Variants in TNFRSF19 observed in about 807,000 individuals in gnomAD.
TNFRSF19 encodes tumor necrosis factor receptor superfamily member 19.
In TNFRSF19, 27 loss-of-function variants were observed where a neutral mutation model predicts 46.4. The ratio of observed to expected loss-of-function variants is 0.58; its 90% CI spans 0.43 to 0.80. The LOEUF (loss-of-function observed/expected upper bound fraction) is 0.80. Ranked by LOEUF, TNFRSF19 falls within the 30% of genes least tolerant of loss-of-function variation. TNFRSF19 has a pLI of 0.00. For missense variants in TNFRSF19, 511 were observed against 530.8 expected (o/e 0.96, Z 0.37); for synonymous variants, 204 against 205.0 (o/e 1.00, Z 0.04).
intron 4 of TNFRSF19, among the ~76,000 whole-genome samples, chr13:23,623,673 A>G (rs1881818927): frequency 6.6e-6 from 1 of 152,138 alleles, no homozygotes; most frequent in East Asian, 1.9e-4. Context: ...GTGTGAGGTG[A>G]TATCTCATGT....
At chr13:23,607,663 A>C (rs183915490) in intron 3 of TNFRSF19, among the ~76,000 whole-genome samples, 245 of 152,208 alleles carry the variant, frequency 1.6e-3, no homozygotes, top group African/African-American at 5.7e-3. Flanking sequence ...TAAAAAGTAC[A>C]TTTTTTAGTA....
At chr13:23,607,118 T>C (rs1880562829) in intron 3 of TNFRSF19, among the ~76,000 whole-genome samples, 1 of 152,096 alleles carries the variant, frequency 6.6e-6, no homozygotes, top group Non-Finnish European at 1.5e-5. Flanking sequence ...TAAATAATCT[T>C]TTTTAAAGCT....
At chr13:23,617,920 G>A (rs1352394659) in intron 4 of TNFRSF19, among the ~76,000 whole-genome samples, 1 of 152,086 alleles carries the variant, frequency 6.6e-6, no homozygotes, top group Non-Finnish European at 1.5e-5. Context: ...TAACTGGATC[G>A]ACCACAAGAT....
intron 3 of TNFRSF19, among the ~76,000 whole-genome samples, chr13:23,607,255 G>A (rs1880571384): frequency 1.3e-5 from 2 of 152,094 alleles, no homozygotes. Context: ...CCAACATGGT[G>A]AAACCCCATC....
chr13:23,647,219 G>T (rs1883383591), intron 5 of TNFRSF19, among the ~76,000 whole-genome samples: 2 of 152,034 alleles, frequency 1.3e-5, no homozygotes, highest in Admixed American at 6.6e-5. Context: ...ATTTTCTTCT[G>T]CTCTGTGGGC....
intron 3 of TNFRSF19, among the ~76,000 whole-genome samples, chr13:23,610,838 A>G (rs6490811): frequency 0.25 from 38,408 of 151,622 alleles, 5,473 homozygotes; most frequent in African/African-American, 0.38. Context: ...TATTTTATCT[A>G]TGCATATATT....
chr13:23,620,463 C>A (rs1055309783), intron 4 of TNFRSF19, among the ~76,000 whole-genome samples: 2 of 152,290 alleles, frequency 1.3e-5, no homozygotes, highest in African/African-American at 4.8e-5. Context: ...CAATTTGAGT[C>A]ATTCGAGAGA....
chr13:23,597,531 C>A (rs1210333539), intron 3 of TNFRSF19, among the ~76,000 whole-genome samples: 1 of 152,156 alleles, frequency 6.6e-6, no homozygotes, highest in Admixed American at 6.5e-5. Context: ...CATACACCCT[C>A]CCTAGACTAA....
At chr13:23,586,925 G>A (rs1266050433) in intron 1 of TNFRSF19, among the ~76,000 whole-genome samples, 1 of 152,054 alleles carries the variant, frequency 6.6e-6, no homozygotes, top group Non-Finnish European at 1.5e-5. Context: ...TCTCCCTAGT[G>A]CTTATGTGGA....
intron 1 of TNFRSF19, among the ~76,000 whole-genome samples, chr13:23,586,069 G>C (rs1422848308): frequency 6.6e-6 from 1 of 151,820 alleles, no homozygotes; most frequent in East Asian, 1.9e-4. Flanking sequence ...AGGAGATCGA[G>C]ACCACGGCGA....
In TNFRSF19 at chr13:23,584,183, G is replaced by A. The variant is rs528644585; in HGVS notation, c.-34-5967G>A. ...TTTTGGTGCACCCATCCCCTGAGCA[G>A]TATACACTGAACCCGATTTGTAGCC... On this transcript the variant is annotated intron_variant, in intron 1 of 9. Transcript: ENST00000248484. 6.6e-5 allele frequency among the ~76,000 whole-genome samples: 10 copies of A among 152,126 alleles called. No individual in the cohort carries two copies. In the South Asian group the frequency reaches 2.1e-3, roughly 32 times the overall value.
chr13:23,617,563 A>G (rs1403807171), intron 4 of TNFRSF19, among the ~76,000 whole-genome samples: 2 of 152,180 alleles, frequency 1.3e-5, no homozygotes, highest in Non-Finnish European at 2.9e-5. Context: ...CTTAATGGAG[A>G]TAGAGTGGAG....
intron 4 of TNFRSF19, among the ~76,000 whole-genome samples, chr13:23,626,223 G>GTGTGTGTGTGTGTGTGT (rs1566194534): frequency 2.0e-5 from 3 of 146,938 alleles, no homozygotes; most frequent in South Asian, 2.2e-4. Context: ...GTGTGTGTGT[G>GTGTGTGTGTGTGTGTGT]GTTGCTGTTC....
intron 5 of TNFRSF19, among the ~76,000 whole-genome samples, chr13:23,647,053 C>T (rs560794210): frequency 1.1e-4 from 16 of 152,280 alleles, no homozygotes; most frequent in African/African-American, 2.6e-4. Flanking sequence ...AGCATCTTTT[C>T]GTGTGCTAAT....
chr13:23,668,767 A>C lies in TNFRSF19; in HGVS notation c.915A>C (p.Ser305=). 1 of 1,614,266 alleles carries C rather than the reference A, an allele frequency of 6.2e-7. No homozygotes were observed. The highest frequency in any genetic ancestry group is 8.5e-7 in the Non-Finnish European group (1 of 1,180,052). ...CGCAGTCCATCTGTGGCGAGTTTTC[A>C]GATGCCTGGCCTCTGATGCAGAATC... The part of the protein sequence containing the change: ...SLTQSICGEF[S]DAWPLMQNPM... Residue 305 remains serine, a synonymous_variant, in exon 9 of 10, where the codon TCA becomes TCC. Transcript: ENST00000248484.
In TNFRSF19 at chr13:23,615,859, C is replaced by A; in HGVS notation, c.181-8C>A. On this transcript the variant is annotated splice_polypyrimidine_tract_variant and splice_region_variant and intron_variant, in intron 3 of 9. Coordinates refer to ENST00000248484, the MANE Select transcript of TNFRSF19 (RefSeq NM_148957.4). ...GAATAGCTTTCTGTTACCCGTTAATCCCCACAGGAATGTGGCTTCGGCTAT... is the reference window on the plus strand; with the variant it reads ...GAATAGCTTTCTGTTACCCGTTAATACCCACAGGAATGTGGCTTCGGCTAT... 1 of 1,572,182 alleles carries A rather than the reference C, an allele frequency of 6.4e-7. No individual in the cohort carries two copies. Among genetic ancestry groups the A allele is most frequent in the Non-Finnish European group, 8.7e-7 (1 of 1,154,298 alleles).
At chr13:23,669,707 C>T in intron 9 of TNFRSF19, 1 of 985,248 alleles carries the variant, frequency 1.0e-6, no homozygotes, top group Non-Finnish European at 1.2e-6. Flanking sequence ...GTGGCACCTG[C>T]AGAGAGATGG....
At chr13:23,579,719 G>C (rs1878258895) in intron 1 of TNFRSF19, among the ~76,000 whole-genome samples, 1 of 152,208 alleles carries the variant, frequency 6.6e-6, no homozygotes, top group South Asian at 2.1e-4. Context: ...ACCGGGTCTC[G>C]GGGCCGTGAC....
rs147134480 is a variant in TNFRSF19 at position 23,585,238 on chromosome 13, A to G, written c.-34-4912A>G. Among the ~76,000 whole-genome samples the G allele has an allele frequency of 1.4e-4, 21 of 152,356 alleles. No homozygotes were observed. In the East Asian group the frequency reaches 2.5e-3, roughly 18 times the overall value. On this transcript the variant is annotated intron_variant, in intron 1 of 9. Transcript: ENST00000248484. ...TTTGATGAAAACTGTTACCAATTGC[A>G]TGCACTGCATCTGTTGGATAATAAA...
Sources: allele counts gnomAD v4.1 joint callset (sites outside exome capture counted in the v4.1 genomes callset), GRCh38; gene constraint gnomAD v4.1.1; transcripts MANE v1.5; gene names NCBI Gene and HGNC (gene_info 2026-07-23, HGNC 2026-07-21).